The following ATXN7 variants were observed in gnomAD, a reference collection of about 807,000 sequenced individuals.
The protein encoded by ATXN7 is ataxin 7, also known as ataxin-7.
In ATXN7, 12 loss-of-function variants were observed where a neutral mutation model predicts 70.5. The observed-to-expected ratio is 0.17, with a 90% confidence interval of 0.11 to 0.28. ATXN7 has a LOEUF of 0.28. Ranked by LOEUF, ATXN7 falls within the 10% of genes least tolerant of loss-of-function variation. The pLI is 1.00. For synonymous variants in ATXN7, 498 were observed against 448.7 expected (o/e 1.11, Z -1.39); for missense variants, 1,256 against 1,131.7 (o/e 1.11, Z -1.58).
chr3:63,926,696 A>T (rs1346333958), intron 4 of ATXN7, among the ~76,000 whole-genome samples: 1 of 151,962 alleles, frequency 6.6e-6, no homozygotes, highest in Admixed American at 6.6e-5. Flanking sequence ...CTTCCCACTG[A>T]CGGGCTACTG....
intron 5 of ATXN7, among the ~76,000 whole-genome samples, chr3:63,977,808 T>C (rs1190224109): frequency 1.3e-5 from 2 of 152,172 alleles, no homozygotes; most frequent in Non-Finnish European, 2.9e-5. Flanking sequence ...GATGTCCCCA[T>C]GAGAGACTGG....
chr3:63,911,610 T>G (rs1442218162), intron 2 of ATXN7: 4 of 152,226 alleles, frequency 2.6e-5, no homozygotes, highest in Admixed American at 2.0e-4. Flanking sequence ...GGTTAAAGCT[T>G]CTCTCGGTTT....
intron 1 of ATXN7, among the ~76,000 whole-genome samples, chr3:63,883,195 G>A: frequency 6.6e-6 from 1 of 152,196 alleles, no homozygotes; most frequent in East Asian, 1.9e-4. Context: ...ATGGTGTGCT[G>A]CCTGGTGGAT....
chr3:63,864,157 A>G lies in ATXN7; in HGVS notation c.-112A>G, dbSNP rs1411764917. On this transcript the variant is annotated splice_region_variant and 5_prime_UTR_variant, in exon 1 of 13. Coordinates refer to ENST00000674280, the MANE Select transcript of ATXN7 (RefSeq NM_001377405.1). ...GCCCCGGAGGCCGCAGCCAGCCGCC[A>G]GGTGAGCTCGCCCGGACGCCGCCAG... Among the ~76,000 whole-genome samples the G allele has an allele frequency of 2.0e-5, 3 of 146,956 alleles. No individual in the cohort carries two copies. Among genetic ancestry groups the G allele is most frequent in the Non-Finnish European group, 4.5e-5 (3 of 66,656 alleles).
intron 4 of ATXN7, among the ~76,000 whole-genome samples, chr3:63,942,404 G>C (rs1158887272): frequency 6.6e-6 from 1 of 152,142 alleles, no homozygotes; most frequent in Non-Finnish European, 1.5e-5. Context: ...ATTGTACGTG[G>C]AACACAGGAG....
At chr3:63,987,875 C>CTTCT (rs2075604689) in intron 8 of ATXN7, among the ~76,000 whole-genome samples, 184 bp from the exon 9 acceptor site, 1 of 152,098 alleles carries the variant, frequency 6.6e-6, no homozygotes, top group Non-Finnish European at 1.5e-5. Flanking sequence ...AGAACGTATG[C>CTTCT]TTCTAGTCTA....
Position 63,999,521 on chromosome 3 carries a change from C to A in ATXN7, c.*54C>A. 1.9e-6 allele frequency: 3 copies of A among 1,609,174 alleles called. No individual in the cohort carries two copies. The South Asian group carries it at 3.3e-5, about 18-fold the overall frequency. On this transcript the variant is annotated 3_prime_UTR_variant, in exon 13 of 13. Coordinates refer to ENST00000674280, the MANE Select transcript of ATXN7 (RefSeq NM_001377405.1). Reference sequence around the variant, plus strand: ...TGCGGACACTTTTGAGGACAAGTTACACCTCCACTCAGCACTCTGGACTCC... The same window carrying A: ...TGCGGACACTTTTGAGGACAAGTTAAACCTCCACTCAGCACTCTGGACTCC...
chr3:63,986,009 C>A (rs1236303512), intron 8 of ATXN7, among the ~76,000 whole-genome samples: 1 of 152,160 alleles, frequency 6.6e-6, no homozygotes, highest in Non-Finnish European at 1.5e-5. Flanking sequence ...TGAAAGCCTG[C>A]AAAAATGAAG....
At position 63,944,564 on chromosome 3, in the gene ATXN7, T is replaced by G. The variant is rs144882473; in HGVS notation, c.395-7815T>G. 2.6e-5 allele frequency among the ~76,000 whole-genome samples: 4 copies of G among 152,262 alleles called. No individual in the cohort carries two copies. In the East Asian group the frequency reaches 7.7e-4, roughly 29 times the overall value. Reference sequence around the variant, plus strand: ...ATTTCATCCTGCTGTTCGGAATGGCTTGCAGTTTAAAACTTAGAAGTTATT... The same window carrying G: ...ATTTCATCCTGCTGTTCGGAATGGCGTGCAGTTTAAAACTTAGAAGTTATT... On this transcript the variant is annotated intron_variant, in intron 4 of 12. Coordinates refer to ENST00000674280, the MANE Select transcript of ATXN7 (RefSeq NM_001377405.1).
intron 4 of ATXN7, among the ~76,000 whole-genome samples, chr3:63,942,651 TACA>T (rs2074790396): frequency 6.6e-6 from 1 of 152,204 alleles, no homozygotes; most frequent in African/African-American, 2.4e-5. Flanking sequence ...TACATAGTGT[TACA>T]AGAGGTAGTG....
chr3:63,961,909 T>A (rs1390129027), intron 5 of ATXN7, among the ~76,000 whole-genome samples: 1 of 152,182 alleles, frequency 6.6e-6, no homozygotes, highest in Non-Finnish European at 1.5e-5. Flanking sequence ...AAAAGTACTT[T>A]TCCTGACAGT....
chr3:63,869,881 C>T (rs1226800338), intron 1 of ATXN7, among the ~76,000 whole-genome samples: 2 of 152,178 alleles, frequency 1.3e-5, no homozygotes, highest in Non-Finnish European at 1.5e-5. Flanking sequence ...TATTGGACTT[C>T]TCCATTGTTC....
chr3:63,935,376 A>G (rs1051451866), intron 4 of ATXN7, among the ~76,000 whole-genome samples: 1 of 152,060 alleles, frequency 6.6e-6, no homozygotes, highest in African/African-American at 2.4e-5. Context: ...CAAGATGCCT[A>G]CTTTTCTCTT....
chr3:63,952,509 T>G lies in ATXN7; in HGVS notation c.499+26T>G, dbSNP rs373439539. ...GTAAGTGCTTAACCATTTAAAAAATTGTTAATAGAAGGTAAAAGGTAAAGC... is the reference window on the plus strand; with the variant it reads ...GTAAGTGCTTAACCATTTAAAAAATGGTTAATAGAAGGTAAAAGGTAAAGC... On this transcript the variant is annotated intron_variant, in intron 5 of 12. Coordinates refer to ENST00000674280, the MANE Select transcript of ATXN7 (RefSeq NM_001377405.1). The G allele has an allele frequency of 2.6e-6, 4 of 1,518,068 alleles. No homozygotes were observed. The African/African-American group carries it at 4.2e-5, about 16-fold the overall frequency. The allele number at this position is 1,518,068 out of a possible 1,614,324, so 94.0% of individuals were successfully genotyped here.
chr3:63,997,704 T>C (rs746216072), intron 12 of ATXN7: 25 of 1,551,250 alleles, frequency 1.6e-5, no homozygotes, highest in Non-Finnish European at 2.2e-5. Context: ...CTCTTTTTCA[T>C]GATTTTTTTT....
intron 8 of ATXN7, 84 bp downstream of exon 8, chr3:63,983,105 T>A: frequency 9.1e-7 from 1 of 1,099,666 alleles, no homozygotes; most frequent in Non-Finnish European, 1.4e-6. Context: ...ACAGTCTCTC[T>A]AACCCAGAGA....
At position 63,995,538 on chromosome 3, in the gene ATXN7, C is replaced by G; in HGVS notation, c.1716C>G (p.Pro572=). Reference sequence around the variant, plus strand: ...CACCAGTGCCCAGTACCACCTCACCCATCTCCACACGTATTCCTCACCGGA... The same window carrying G: ...CACCAGTGCCCAGTACCACCTCACCGATCTCCACACGTATTCCTCACCGGA... ...KIPPVPSTTS[P]ISTRIPHRTN... is the part of the protein sequence containing the mutation. The change falls in exon 12 of 13, where the codon CCC becomes CCG. Residue 572 remains proline (P), a synonymous_variant. Transcript: ENST00000674280. 3 of 1,614,130 alleles carry G rather than the reference C, an allele frequency of 1.9e-6. No homozygotes were observed. The highest frequency in any genetic ancestry group is 2.5e-6 in the Non-Finnish European group (3 of 1,180,012).
chr3:63,952,344 A>G, intron 4 of ATXN7, 35 bp from the exon 5 acceptor site: 1 of 1,530,158 alleles, frequency 6.5e-7, no homozygotes, highest in Non-Finnish European at 8.9e-7. Flanking sequence ...AGTCAGAACC[A>G]GATGAGTGAG....
chr3:63,988,638 A>G (rs1035130760), intron 9 of ATXN7, among the ~76,000 whole-genome samples: 1 of 151,942 alleles, frequency 6.6e-6, no homozygotes, highest in Admixed American at 6.6e-5. Flanking sequence ...AGTGACAGGA[A>G]CTCTTCACAT....
Sources: allele counts gnomAD v4.1 joint callset (sites outside exome capture counted in the v4.1 genomes callset), GRCh38; gene constraint gnomAD v4.1.1; transcripts MANE v1.5; gene names NCBI Gene and HGNC (gene_info 2026-07-23, HGNC 2026-07-21).